Variants in RTTN observed in about 807,000 individuals in gnomAD.
The protein encoded by RTTN is rotatin.
RTTN carries 182 observed loss-of-function variants against 269.2 expected under a neutral mutation model. That is an observed-to-expected ratio of 0.68 (90% CI 0.60 to 0.76). The LOEUF (loss-of-function observed/expected upper bound fraction) is 0.76. RTTN is among the 30% of genes least tolerant of loss of function. The pLI is 0.00. For synonymous variants in RTTN, 1,006 were observed against 963.5 expected (o/e 1.04, Z -0.82); for missense variants, 2,545 against 2,608.6 (o/e 0.98, Z 0.53).
chr18:70,169,994 T>C (rs911369337), intron 11 of RTTN, among the ~76,000 whole-genome samples: 2 of 152,210 alleles, frequency 1.3e-5, no homozygotes, highest in Non-Finnish European at 2.9e-5. Context: ...TAAATGAATA[T>C]AGTTGCTAAA....
intron 40 of RTTN, among the ~76,000 whole-genome samples, chr18:70,043,473 A>AT (rs771304428): frequency 6.6e-6 from 1 of 152,164 alleles, no homozygotes; most frequent in Non-Finnish European, 1.5e-5. Context: ...CTCATTTTCC[A>AT]TAGTAGGAAT....
chr18:70,020,481 A>C, intron 45 of RTTN, 134 bp downstream of exon 45: 53 of 874,188 alleles, frequency 6.1e-5, no homozygotes, highest in Middle Eastern at 3.6e-4. Flanking sequence ...TGAACCTCTT[A>C]ACCCTTTTAT....
rs115744565 is a variant in RTTN at position 70,197,534 on chromosome 18, T to A, written c.693+90A>T. 1,084 of 765,752 alleles carry A rather than the reference T, an allele frequency of 1.4e-3. 9 individuals are homozygous for A. In the African/African-American group the frequency reaches 0.017, roughly 12 times the overall value. 47.4% of individuals were successfully genotyped at this position (765,752 alleles called of 1,614,324 possible). A position where few individuals can be genotyped will look rare whatever the true frequency, so the allele number is the denominator to read the frequency against. ...CTTTTTAAAAACATGAGTACAAAGT[T>A]CCTTCCCAAGAACTCCTACTCTGCA... On this transcript the variant is annotated intron_variant, in intron 6 of 48. Transcript: ENST00000640769.
chr18:70,054,643 G>A (rs535026604), intron 37 of RTTN, among the ~76,000 whole-genome samples: 2 of 152,174 alleles, frequency 1.3e-5, no homozygotes, highest in East Asian at 3.9e-4. Context: ...GACCAGCCTG[G>A]GCAATACGGT....
At chr18:70,071,915 A>G (rs2058306129) in intron 34 of RTTN, among the ~76,000 whole-genome samples, 1 of 152,206 alleles carries the variant, frequency 6.6e-6, no homozygotes, top group Admixed American at 6.5e-5. Flanking sequence ...TCTGAGATAA[A>G]CAAAACAAAG....
At chr18:70,185,795 A>C (rs1041525993) in intron 10 of RTTN, among the ~76,000 whole-genome samples, 1 of 152,136 alleles carries the variant, frequency 6.6e-6, no homozygotes, top group East Asian at 1.9e-4. Context: ...AAACAAAAAA[A>C]ACTACCAGAA....
intron 33 of RTTN, 129 bp from the exon 34 acceptor site, chr18:70,074,123 C>A: frequency 2.0e-6 from 1 of 505,764 alleles, no homozygotes; most frequent in South Asian, 2.8e-5. Context: ...GATCTGGCTT[C>A]TGAGATAGAC....
chr18:70,051,892 T>C (rs1398306921), intron 38 of RTTN, among the ~76,000 whole-genome samples: 1 of 152,168 alleles, frequency 6.6e-6, no homozygotes, highest in East Asian at 1.9e-4. Context: ...TATGTCATTG[T>C]TTGTGCTACT....
chr18:70,050,427 T>C (rs563229931), intron 39 of RTTN, among the ~76,000 whole-genome samples: 5 of 152,288 alleles, frequency 3.3e-5, no homozygotes, highest in Admixed American at 1.3e-4. Context: ...AAACAACAGA[T>C]GCTGGCGAGG....
At chr18:70,014,629 G>C (rs1453424582) in intron 46 of RTTN, among the ~76,000 whole-genome samples, 1 of 152,144 alleles carries the variant, frequency 6.6e-6, no homozygotes, top group Non-Finnish European at 1.5e-5. Context: ...TTTGGGTGCA[G>C]AGCCCTATCA....
chr18:70,044,781 T>A (rs1261219124), intron 40 of RTTN, among the ~76,000 whole-genome samples: 2 of 152,120 alleles, frequency 1.3e-5, no homozygotes, highest in Non-Finnish European at 2.9e-5. Context: ...ATATGCAGCA[T>A]GGGTAAGCTA....
intron 11 of RTTN, among the ~76,000 whole-genome samples, chr18:70,173,450 G>A (rs933372291): frequency 2.2e-5 from 3 of 137,834 alleles, no homozygotes; most frequent in Admixed American, 7.9e-5. Flanking sequence ...CGGAGATCAC[G>A]CCACTGAACT....
chr18:70,035,086 C>T (rs1385248907), intron 40 of RTTN, among the ~76,000 whole-genome samples: 2 of 152,200 alleles, frequency 1.3e-5, no homozygotes, highest in East Asian at 1.9e-4. Context: ...AATGGAAAAA[C>T]ATTCCATGAA....
chr18:70,088,019 G>A lies in RTTN; in HGVS notation c.4272C>T (p.Asp1424=), dbSNP rs1459016473. 7.4e-6 allele frequency: 12 copies of A among 1,613,606 alleles called. No homozygotes were observed. Among genetic ancestry groups the A allele is most frequent in the Non-Finnish European group, 1.0e-5 (12 of 1,179,818 alleles). ...GGCGCACCATACTACATTCTGACTG[G>A]TCCAGAAGAATGTTCACCACAGTTC... The part of the protein sequence containing the change: ...LWGTVVNILL[D]QSECSMVRRE... Residue 1424 remains aspartate, a synonymous_variant, in exon 31 of 49, where the codon GAC becomes GAT. Coordinates refer to ENST00000640769, the MANE Select transcript of RTTN (RefSeq NM_173630.4).
At chr18:70,034,914 G>A (rs1479622374) in intron 40 of RTTN, among the ~76,000 whole-genome samples, 2 of 152,066 alleles carry the variant, frequency 1.3e-5, no homozygotes, top group East Asian at 1.9e-4. Flanking sequence ...AAGCCGAGAG[G>A]CAAATCAGGA....
At chr18:70,021,749 CA>C (rs1435015851) in intron 44 of RTTN, among the ~76,000 whole-genome samples, 1 of 152,150 alleles carries the variant, frequency 6.6e-6, no homozygotes, top group African/African-American at 2.4e-5. Flanking sequence ...TGACTGGAGA[CA>C]ACCTGAGTTG....
intron 40 of RTTN, among the ~76,000 whole-genome samples, chr18:70,045,623 T>C (rs2057468975): frequency 6.6e-6 from 1 of 152,262 alleles, no homozygotes. Flanking sequence ...GTGTTTGTAA[T>C]TTAATAGGCC....
intron 40 of RTTN, among the ~76,000 whole-genome samples, chr18:70,035,767 C>T (rs1363339289): frequency 1.3e-5 from 2 of 152,134 alleles, no homozygotes; most frequent in Non-Finnish European, 2.9e-5. Flanking sequence ...ACAGAGTAAA[C>T]AGACAACCTA....
intron 46 of RTTN, among the ~76,000 whole-genome samples, chr18:70,010,333 G>A (rs145636856): frequency 0.012 from 1,873 of 152,166 alleles, 22 homozygotes; most frequent in South Asian, 0.037. Context: ...CCACATACTT[G>A]GAAGTAAAAC....
Sources: gnomAD v4.1 joint callset for allele counts (sites outside exome capture counted in the v4.1 genomes callset) on GRCh38, gnomAD v4.1.1 for gene constraint, MANE v1.5 for transcripts, NCBI Gene and HGNC (gene_info 2026-07-23, HGNC 2026-07-21) for gene names.